Variants in EFCAB14 observed in about 807,000 individuals in gnomAD.
EFCAB14 encodes the protein EF-hand calcium-binding domain-containing protein 14.
EFCAB14 carries 43 observed loss-of-function variants against 56.5 expected under a neutral mutation model. The observed-to-expected ratio is 0.76, with a 90% CI of 0.60 to 0.98. The LOEUF (loss-of-function observed/expected upper bound fraction) is 0.98, where lower values mean the gene tolerates loss of function less well. Ranked by LOEUF, EFCAB14 falls within the 50% of genes least tolerant of loss-of-function variation. The pLI, the probability that EFCAB14 is intolerant of heterozygous loss-of-function variation, is 0.00. For synonymous variants in EFCAB14, 235 were observed against 212.9 expected, an observed-to-expected ratio of 1.10 and a Z score of -0.90; for missense variants, 538 against 580.3, an observed-to-expected ratio of 0.93 and a Z score of 0.75.
chr1:46,684,642 T>C (rs1676850694), intron 8 of EFCAB14, 40 bp from the exon 9 acceptor site: 3 of 1,527,820 alleles, frequency 2.0e-6, no homozygotes, highest in Non-Finnish European at 2.7e-6. Context: ...AAGGTGGTAG[T>C]AAGACTTCAT....
intron 3 of EFCAB14, among the ~76,000 whole-genome samples, chr1:46,704,173 C>G (rs60675294): frequency 0.24 from 37,155 of 151,834 alleles, 4,905 homozygotes; most frequent in East Asian, 0.35. Context: ...CTTGAGGGAA[C>G]TGGGGGCAGT....
At chr1:46,704,353 T>G (rs796372283) in intron 3 of EFCAB14, among the ~76,000 whole-genome samples, 19 of 151,926 alleles carry the variant, frequency 1.3e-4, no homozygotes, top group African/African-American at 2.7e-4. Flanking sequence ...TGCGTGCCTG[T>G]AGTCCCAGCT....
intron 3 of EFCAB14, among the ~76,000 whole-genome samples, chr1:46,701,394 C>G (rs887423120): frequency 3.9e-5 from 6 of 152,044 alleles, no homozygotes; most frequent in Non-Finnish European, 8.8e-5. Flanking sequence ...ATACTCTTAT[C>G]AATTATGTAG....
intron 3 of EFCAB14, among the ~76,000 whole-genome samples, chr1:46,697,743 A>G (rs1023370930): frequency 6.6e-6 from 1 of 151,528 alleles, no homozygotes; most frequent in Non-Finnish European, 1.5e-5. Context: ...AAGACCATGA[A>G]GCTCTGCTCT....
At chr1:46,696,832 A>G (rs1421070635) in intron 3 of EFCAB14, among the ~76,000 whole-genome samples, 183 bp from the exon 4 acceptor site, 2 of 152,206 alleles carry the variant, frequency 1.3e-5, no homozygotes, top group Non-Finnish European at 2.9e-5. Context: ...CTGGGAGGCA[A>G]CAATAATACC....
chr1:46,700,705 A>G (rs1677142118), intron 3 of EFCAB14, among the ~76,000 whole-genome samples: 1 of 152,190 alleles, frequency 6.6e-6, no homozygotes, highest in African/African-American at 2.4e-5. Flanking sequence ...TACATGATAT[A>G]TTTTTTAAAA....
At chr1:46,696,681 C>G (rs1178238972) in intron 3 of EFCAB14, 32 bp from the exon 4 acceptor site, 3 of 1,599,976 alleles carry the variant, frequency 1.9e-6, no homozygotes, top group East Asian at 2.2e-5. Context: ...ACAATGAAAA[C>G]AAATGAGAAT....
At position 46,683,354 on chromosome 1, in the gene EFCAB14, C is replaced by A; in HGVS notation, c.1258G>T (p.Glu420Ter). The A allele has an allele frequency of 6.2e-7, 1 of 1,614,068 alleles. No individual in the cohort carries two copies. Among genetic ancestry groups the A allele is most frequent in the South Asian group, 1.1e-5 (1 of 91,080 alleles). Residue 420 changes from glutamate (E) to a stop codon, truncating the protein, a stop_gained, in exon 10 of 11, where the codon GAG becomes TAG. Transcript: ENST00000371933. LOFTEE classifies it high-confidence loss of function. ...ATAGGTCTTAGTTGGGCAGCTTTCT[C>A]AACTGGGTCTCCAAGAAACTGTGAA... is the stretch of plus-strand genomic sequence containing the variant. Reference protein sequence around the residue: ...KFSQFLGDPVEKAAQLRPISL... With the variant: ...KFSQFLGDPV
At chr1:46,711,056 T>C (rs1677301395) in intron 2 of EFCAB14, among the ~76,000 whole-genome samples, 1 of 152,220 alleles carries the variant, frequency 6.6e-6, no homozygotes, top group Non-Finnish European at 1.5e-5. Context: ...GACACCTAGG[T>C]TGATTCCATA....
chr1:46,690,687 C>T (rs936883405), intron 5 of EFCAB14, among the ~76,000 whole-genome samples: 14 of 152,124 alleles, frequency 9.2e-5, no homozygotes, highest in Non-Finnish European at 1.6e-4. Flanking sequence ...ATGGGTCACA[C>T]AGTTACTCAG....
chr1:46,689,501 G>A, intron 6 of EFCAB14, 86 bp downstream of exon 6: 1 of 1,286,776 alleles, frequency 7.8e-7, no homozygotes, highest in Non-Finnish European at 1.1e-6. Flanking sequence ...TGCACCTGCT[G>A]AGACACCAAA....
intron 3 of EFCAB14, among the ~76,000 whole-genome samples, chr1:46,707,112 T>C (rs1384019027): frequency 6.6e-6 from 1 of 152,234 alleles, no homozygotes. Flanking sequence ...TTCTGAACTT[T>C]GTGATTCTAC....
intron 4 of EFCAB14, among the ~76,000 whole-genome samples, chr1:46,693,944 T>A (rs1343522944): frequency 2.0e-5 from 3 of 152,192 alleles, no homozygotes; most frequent in Non-Finnish European, 4.4e-5. Context: ...AACCATCTGA[T>A]CTTTGACAAA....
rs1384694175 is a variant in EFCAB14, at chr1:46,715,764, A to C, written c.334+531T>G. ...CAGATGCTACTTGTCCTGCTGGTGC[A>C]TAAGCACTGCCTTTTATTTGTGAGT... On this transcript the variant is annotated intron_variant, in intron 2 of 10. Coordinates refer to ENST00000371933, the MANE Select transcript of EFCAB14 (RefSeq NM_014774.3). 2.0e-5 allele frequency among the ~76,000 whole-genome samples: 3 copies of C among 152,112 alleles called. 1 individual carries two copies. Among genetic ancestry groups the C allele is most frequent in the African/African-American group, 7.2e-5 (3 of 41,422 alleles).
chr1:46,682,264 G>A (rs937616867), intron 10 of EFCAB14: 3 of 152,162 alleles, frequency 2.0e-5, no homozygotes, highest in African/African-American at 7.2e-5. Flanking sequence ...AGTCACTGGA[G>A]GTAAGGAAAT....
chr1:46,705,924 A>C (rs998324441), intron 3 of EFCAB14, among the ~76,000 whole-genome samples: 33 of 151,346 alleles, frequency 2.2e-4, no homozygotes, highest in African/African-American at 8.0e-4. Context: ...GAGTGCAGTG[A>C]CACGATTACA....
At chr1:46,708,087 T>A (rs1677258584) in intron 2 of EFCAB14, 36 bp from the exon 3 acceptor site, 1 of 1,594,702 alleles carries the variant, frequency 6.3e-7, no homozygotes, top group African/African-American at 1.3e-5. Flanking sequence ...ATAACTAGCA[T>A]AAAGTGCCCT....
At chr1:46,704,322 A>G (rs1312197533) in intron 3 of EFCAB14, among the ~76,000 whole-genome samples, 1 of 151,894 alleles carries the variant, frequency 6.6e-6, no homozygotes, top group Non-Finnish European at 1.5e-5. Flanking sequence ...AGAAAGAAAA[A>G]AAATTAGCCA....
intron 8 of EFCAB14, 112 bp from the exon 9 acceptor site, chr1:46,684,714 C>G (rs1243554057): frequency 1.0e-5 from 8 of 779,922 alleles, no homozygotes; most frequent in Non-Finnish European, 1.7e-5. Context: ...TCAGTAGGTT[C>G]CCTATAAAGA....
Sources: allele counts gnomAD v4.1 joint callset (sites outside exome capture counted in the v4.1 genomes callset), GRCh38; gene constraint gnomAD v4.1.1; transcripts MANE v1.5; gene names NCBI Gene and HGNC (gene_info 2026-07-23, HGNC 2026-07-21).